KCNT2: variants seen among roughly 807,000 people sequenced by gnomAD.
KCNT2 encodes potassium channel subfamily T member 2.
A neutral mutation model predicts 153.8 loss-of-function variants in KCNT2; 67 were observed. The ratio of observed to expected loss-of-function variants is 0.44; its 90% CI spans 0.36 to 0.53. The LOEUF (loss-of-function observed/expected upper bound fraction) is 0.53, where lower values mean the gene tolerates loss of function less well. Ranked by LOEUF, KCNT2 falls within the 20% of genes least tolerant of loss-of-function variation. The probability of loss-of-function intolerance (pLI) is 0.00; values close to 1 mark genes in which losing one functional copy is unlikely to be tolerated. For missense variants in KCNT2, 975 were observed against 1,354.8 expected, an observed-to-expected ratio of 0.72 and a Z score of 4.40; for synonymous variants, 500 against 458.8, an observed-to-expected ratio of 1.09 and a Z score of -1.15.
chr1:196,413,845 C>T (rs1672537373), intron 12 of KCNT2, among the ~76,000 whole-genome samples: 1 of 151,280 alleles, frequency 6.6e-6, no homozygotes, highest in South Asian at 2.1e-4. Context: ...ATTTGTAATG[C>T]TTATTAATTT....
At chr1:196,388,276 T>G (rs977285675) in intron 13 of KCNT2, among the ~76,000 whole-genome samples, 1 of 151,834 alleles carries the variant, frequency 6.6e-6, no homozygotes, top group Admixed American at 6.6e-5. Flanking sequence ...TCTATCATTA[T>G]GATAATTTCA....
At chr1:196,443,968 G>A (rs888544303) in intron 8 of KCNT2, among the ~76,000 whole-genome samples, 1 of 151,136 alleles carries the variant, frequency 6.6e-6, no homozygotes, top group Admixed American at 6.6e-5. Context: ...TAACTAAAAT[G>A]TAAGATATAT....
chr1:196,341,327 T>G (rs1194423274), intron 15 of KCNT2, among the ~76,000 whole-genome samples: 1 of 151,974 alleles, frequency 6.6e-6, no homozygotes, highest in Admixed American at 6.6e-5. Flanking sequence ...TTATTGAATA[T>G]TCTACTGAAA....
intron 23 of KCNT2, among the ~76,000 whole-genome samples, chr1:196,284,128 G>A (rs1239924291): frequency 6.1e-5 from 9 of 147,378 alleles, no homozygotes; most frequent in African/African-American, 1.7e-4. Context: ...CTATTTGGGA[G>A]CCTGAGGCAG....
intron 1 of KCNT2, among the ~76,000 whole-genome samples, chr1:196,578,055 T>C (rs1283673098): frequency 6.6e-6 from 1 of 152,160 alleles, no homozygotes; most frequent in African/African-American, 2.4e-5. Flanking sequence ...ATTATGGGAT[T>C]TTACTTAATG....
chr1:196,373,222 T>A lies in KCNT2; in HGVS notation c.1321A>T (p.Lys441Ter). The change falls in exon 14 of 28, where the codon AAA becomes TAA. Residue 441 changes from lysine to a stop codon, truncating the protein, a stop_gained. Transcript: ENST00000294725. LOFTEE classifies it high-confidence loss of function. ...ADHVVCEEEF[K>*]YAMLALNCIC... ...CAGTTTAAAGCTAACATGGCGTATT[T>A]AAACTCTTCTTCACAAACAACATGA... The A allele has an allele frequency of 6.4e-7, 1 of 1,552,734 alleles. No homozygotes were observed. The highest frequency in any genetic ancestry group is 8.9e-7 in the Non-Finnish European group (1 of 1,125,286).
intron 1 of KCNT2, among the ~76,000 whole-genome samples, chr1:196,516,782 G>A (rs148766419): frequency 6.6e-6 from 1 of 152,216 alleles, no homozygotes; most frequent in Non-Finnish European, 1.5e-5. Context: ...GAGATCTGCA[G>A]GCTGCCATCT....
chr1:196,589,955 A>G (rs901918407), intron 1 of KCNT2, among the ~76,000 whole-genome samples: 3 of 152,156 alleles, frequency 2.0e-5, no homozygotes, highest in Non-Finnish European at 4.4e-5. Context: ...CAGAGAACAC[A>G]TTTTTGTAGC....
At chr1:196,401,997 C>T (rs1671452511) in intron 12 of KCNT2, among the ~76,000 whole-genome samples, 1 of 151,160 alleles carries the variant, frequency 6.6e-6, no homozygotes, top group Non-Finnish European at 1.5e-5. Flanking sequence ...GCCAGAAAAC[C>T]CTGGAAAAAA....
intron 18 of KCNT2, among the ~76,000 whole-genome samples, chr1:196,327,284 GC>G (rs1663957250): frequency 6.6e-6 from 1 of 151,410 alleles, no homozygotes; most frequent in Middle Eastern, 3.2e-3. Context: ...AGTACTGAAT[GC>G]TTAAAGCGAT....
At chr1:196,428,721 T>C (rs140914399) in intron 9 of KCNT2, among the ~76,000 whole-genome samples, 8 of 152,196 alleles carry the variant, frequency 5.3e-5, no homozygotes, top group African/African-American at 1.4e-4. Flanking sequence ...GGAGGGTATG[T>C]CAGGAAGAAA....
At chr1:196,454,921 C>A (rs1676525270) in intron 8 of KCNT2, among the ~76,000 whole-genome samples, 1 of 151,996 alleles carries the variant, frequency 6.6e-6, no homozygotes, top group African/African-American at 2.4e-5. Flanking sequence ...AGGGGAGAAT[C>A]TGCTTCCAAG....
chr1:196,419,102 C>T (rs2148508226), intron 12 of KCNT2, among the ~76,000 whole-genome samples: 1 of 152,112 alleles, frequency 6.6e-6, no homozygotes, highest in Middle Eastern at 3.4e-3. Context: ...GAGAGTTGTG[C>T]ATTCTTTAAA....
chr1:196,590,938 C>A (rs1663266195), intron 1 of KCNT2, among the ~76,000 whole-genome samples: 1 of 151,952 alleles, frequency 6.6e-6, no homozygotes, highest in South Asian at 2.1e-4. Context: ...CCTGCCTGGG[C>A]AACATGGTGA....
At chr1:196,356,872 C>T (rs188879305) in intron 14 of KCNT2, among the ~76,000 whole-genome samples, 19 of 150,130 alleles carry the variant, frequency 1.3e-4, no homozygotes, top group African/African-American at 4.6e-4. Context: ...GAAAACAATT[C>T]AAAAGGAAAA....
chr1:196,538,517 T>C (rs1402052812), intron 1 of KCNT2, among the ~76,000 whole-genome samples: 1 of 152,220 alleles, frequency 6.6e-6, no homozygotes, highest in Non-Finnish European at 1.5e-5. Flanking sequence ...CCACAAGCTG[T>C]ATGTACAGCA....
chr1:196,261,598 T>C (rs1315627108), intron 25 of KCNT2, among the ~76,000 whole-genome samples: 1 of 151,874 alleles, frequency 6.6e-6, no homozygotes, highest in African/African-American at 2.4e-5. Flanking sequence ...TCATTCATAT[T>C]TTGGGTGCAC....
chr1:196,556,744 GGTGAATGGGTAA>G (rs1189107409), intron 1 of KCNT2, among the ~76,000 whole-genome samples: 3 of 151,388 alleles, frequency 2.0e-5, no homozygotes, highest in Admixed American at 6.6e-5. Flanking sequence ...TCCGTCGACA[GGTGAATGGGTAA>G]AGAAAATGTG....
At chr1:196,335,170 T>G (rs538086770) in intron 16 of KCNT2, among the ~76,000 whole-genome samples, 1 of 152,298 alleles carries the variant, frequency 6.6e-6, no homozygotes, top group Non-Finnish European at 1.5e-5. Context: ...CAGTGGCACC[T>G]GGTCATCCTT....
Sources: allele counts gnomAD v4.1 joint callset (sites outside exome capture counted in the v4.1 genomes callset), GRCh38; gene constraint gnomAD v4.1.1; transcripts MANE v1.5; gene names NCBI Gene and HGNC (gene_info 2026-07-23, HGNC 2026-07-21).